Variants in EYS observed in about 807,000 individuals in gnomAD.
EYS encodes EGF-like photoreceptor maintenance factor, also known as protein eyes shut homolog.
Under a neutral mutation model 282.1 loss-of-function variants are expected in EYS, and 250 were observed. The observed-to-expected ratio is 0.89, with a 90% CI of 0.80 to 0.98. EYS has a LOEUF of 0.98. Among genes scored for constraint, EYS ranks in the 50% least tolerant of loss-of-function variants. EYS has a pLI of 0.00. For synonymous variants in EYS, 1,355 were observed against 1,282.9 expected, an observed-to-expected ratio of 1.06 and a Z score of -1.20; for missense variants, 4,016 against 3,709.0, an observed-to-expected ratio of 1.08 and a Z score of -2.15.
At chr6:65,390,341 C>T (rs1765972630) in intron 7 of EYS, among the ~76,000 whole-genome samples, 2 of 149,650 alleles carry the variant, frequency 1.3e-5, no homozygotes, top group South Asian at 4.2e-4. Context: ...AGAAAAGCTA[C>T]TAGAAAAGGA....
At chr6:65,191,128 T>C (rs1038118759) in intron 12 of EYS, among the ~76,000 whole-genome samples, 1 of 151,972 alleles carries the variant, frequency 6.6e-6, no homozygotes, top group South Asian at 2.1e-4. Flanking sequence ...TAATGCAGTA[T>C]GCTAAATATT....
chr6:63,743,658 C>G (rs1769139186), intron 41 of EYS, among the ~76,000 whole-genome samples: 1 of 152,088 alleles, frequency 6.6e-6, no homozygotes. Flanking sequence ...CCGTTTGTCT[C>G]CAAAACTATA....
intron 36 of EYS, among the ~76,000 whole-genome samples, chr6:63,843,829 GA>G (rs1772027837): frequency 6.6e-6 from 1 of 152,202 alleles, no homozygotes; most frequent in African/African-American, 2.4e-5. Flanking sequence ...CAGACGACAT[GA>G]TTGTATACTT....
intron 11 of EYS, chr6:65,330,319 G>A: frequency 1.6e-5 from 16 of 971,170 alleles, no homozygotes; most frequent in Non-Finnish European, 2.0e-5. Context: ...ATTTCTGGTA[G>A]CAAGTAGGGA....
At chr6:63,735,935 A>C (rs1291235748) in intron 41 of EYS, among the ~76,000 whole-genome samples, 1 of 152,152 alleles carries the variant, frequency 6.6e-6, no homozygotes, top group Non-Finnish European at 1.5e-5. Flanking sequence ...GATTCAAACC[A>C]TGTAATCTTT....
chr6:64,075,794 A>G (rs1016827542), intron 32 of EYS, among the ~76,000 whole-genome samples: 5 of 151,960 alleles, frequency 3.3e-5, no homozygotes, highest in Non-Finnish European at 7.4e-5. Context: ...TATGCAGGTT[A>G]TATGTATCTC....
intron 34 of EYS, among the ~76,000 whole-genome samples, chr6:63,993,361 A>G (rs1767690838): frequency 6.6e-6 from 1 of 151,818 alleles, no homozygotes. Context: ...TAAGAAATAA[A>G]GAAGTAAAAT....
chr6:64,630,790 G>A lies in EYS; in HGVS notation c.3444-4545C>T, dbSNP rs530061548. Among the ~76,000 whole-genome samples the A allele has an allele frequency of 1.6e-4, 24 of 152,256 alleles. No individual in the cohort carries two copies. The East Asian group carries it at 3.9e-3, about 25-fold the overall frequency. Reference sequence around the variant, plus strand: ...GATGTTTACATTCTTAGCTTGAATGGAGGAAAGATTTTGAAAACACTTATA... The same window carrying A: ...GATGTTTACATTCTTAGCTTGAATGAAGGAAAGATTTTGAAAACACTTATA... On this transcript the variant is annotated intron_variant, in intron 22 of 42. Transcript: ENST00000503581.
At position 64,326,025 on chromosome 6, in the gene EYS, C is replaced by A. The variant is rs926623917; in HGVS notation, c.6079-18943G>T. 2.6e-5 allele frequency among the ~76,000 whole-genome samples: 4 copies of A among 152,182 alleles called. No individual in the cohort carries two copies. In the East Asian group the frequency reaches 7.7e-4, roughly 29 times the overall value. ...AAAACTTCCCTGGCCTTGTTAGAGACCTAGACATCCAAATACAAGAAGCAC... is the reference window on the plus strand; with the variant it reads ...AAAACTTCCCTGGCCTTGTTAGAGAACTAGACATCCAAATACAAGAAGCAC... On this transcript the variant is annotated intron_variant, in intron 29 of 42. Transcript: ENST00000503581.
At chr6:63,840,196 T>A (rs1381883935) in intron 36 of EYS, among the ~76,000 whole-genome samples, 2 of 130,390 alleles carry the variant, frequency 1.5e-5, no homozygotes, top group East Asian at 4.6e-4. Flanking sequence ...TACAGTTGCC[T>A]GCCACCATGC....
At position 64,591,976 on chromosome 6, in the gene EYS, T is replaced by C; in HGVS notation, c.3891A>G (p.Thr1297=). Residue 1297 remains threonine, a synonymous_variant, in exon 26 of 43, where the codon ACA becomes ACG. Coordinates refer to ENST00000503581, the MANE Select transcript of EYS (RefSeq NM_001142800.2). ...TYPVDQGPKQ[T]GIVKHDILPT... is the part of the protein sequence containing the mutation. ...GGAGAATGTCGTGCTTGACAATGCC[T>C]GTCTGTTTTGGACCTACAAAAAGGA... is the stretch of plus-strand genomic sequence containing the variant. 1 of 1,489,870 alleles carries C rather than the reference T, an allele frequency of 6.7e-7. No homozygotes were observed. The highest frequency in any genetic ancestry group is 8.9e-7 in the Non-Finnish European group (1 of 1,117,998). 92.3% of individuals were successfully genotyped at this position (1,489,870 alleles called of 1,614,324 possible). A position where few individuals can be genotyped will look rare whatever the true frequency, so the allele number is the denominator to read the frequency against.
chr6:64,124,174 G>A (rs116456021), intron 31 of EYS, among the ~76,000 whole-genome samples: 228 of 152,236 alleles, frequency 1.5e-3, no homozygotes, highest in African/African-American at 5.1e-3. Context: ...GCTGTAGCCG[G>A]GAGCAAAGAT....
In EYS at chr6:64,770,182, A is replaced by T. The variant is rs565589989; in HGVS notation, c.3443+43196T>A. ...CTGAAGTTTGAGAGATTGTTTTGAGACCAGTCCCTATTAATACTTTCTTTT... is the reference window on the plus strand; with the variant it reads ...CTGAAGTTTGAGAGATTGTTTTGAGTCCAGTCCCTATTAATACTTTCTTTT... On this transcript the variant is annotated intron_variant, in intron 22 of 42. Transcript: ENST00000503581. Among the ~76,000 whole-genome samples the T allele has an allele frequency of 1.1e-4, 17 of 152,026 alleles. 1 individual carries two copies. Among genetic ancestry groups the T allele is most frequent in the African/African-American group, 4.1e-4 (17 of 41,528 alleles).
intron 30 of EYS, among the ~76,000 whole-genome samples, chr6:64,283,908 C>G (rs1768399737): frequency 6.6e-6 from 1 of 152,122 alleles, no homozygotes; most frequent in South Asian, 2.1e-4. Context: ...GGAACCGCCT[C>G]CACGATTCAA....
At chr6:65,205,499 C>A (rs957099537) in intron 12 of EYS, among the ~76,000 whole-genome samples, 1 of 151,918 alleles carries the variant, frequency 6.6e-6, no homozygotes, top group Non-Finnish European at 1.5e-5. Flanking sequence ...AACAGCTAAT[C>A]GAAGTACAAA....
At chr6:64,425,145 G>A (rs1774360382) in intron 28 of EYS, among the ~76,000 whole-genome samples, 1 of 152,168 alleles carries the variant, frequency 6.6e-6, no homozygotes, top group Admixed American at 6.5e-5. Flanking sequence ...GGTATTGGGT[G>A]AGGTCGAGGA....
intron 15 of EYS, among the ~76,000 whole-genome samples, chr6:64,933,716 A>G (rs1363441034): frequency 1.3e-5 from 2 of 152,186 alleles, no homozygotes; most frequent in South Asian, 4.1e-4. Flanking sequence ...CACAAAGCAA[A>G]GACTTGGAAC....
intron 12 of EYS, among the ~76,000 whole-genome samples, chr6:65,242,445 C>A: frequency 6.6e-6 from 1 of 151,936 alleles, no homozygotes; most frequent in East Asian, 1.9e-4. Context: ...TAGTGGCATG[C>A]GTCAGTATGT....
At chr6:65,269,333 A>G (rs145383026) in intron 12 of EYS, among the ~76,000 whole-genome samples, 87 of 152,312 alleles carry the variant, frequency 5.7e-4, no homozygotes, top group Non-Finnish European at 6.6e-4. Flanking sequence ...TCTAGATATC[A>G]CAGTGAGAGA....
Sources: gnomAD v4.1 joint callset for allele counts (sites outside exome capture counted in the v4.1 genomes callset) on GRCh38, gnomAD v4.1.1 for gene constraint, MANE v1.5 for transcripts, NCBI Gene and HGNC (gene_info 2026-07-23, HGNC 2026-07-21) for gene names.